Variants in ARHGEF40 observed in about 807,000 individuals in gnomAD.
ARHGEF40 encodes Rho guanine nucleotide exchange factor 40, also known as Rho guanine nucleotide exchange factor (GEF) 40.
In ARHGEF40, 98 loss-of-function variants were observed where a neutral mutation model predicts 165.9. The observed-to-expected ratio is 0.59, with a 90% CI of 0.50 to 0.70. The LOEUF (loss-of-function observed/expected upper bound fraction) is 0.70. Among genes scored for constraint, ARHGEF40 ranks in the 30% least tolerant of loss-of-function variants. ARHGEF40 has a pLI of 0.00. For missense variants in ARHGEF40, 1,815 were observed against 1,968.0 expected, an observed-to-expected ratio of 0.92 and a Z score of 1.47; for synonymous variants, 792 against 814.3, an observed-to-expected ratio of 0.97 and a Z score of 0.47.
In ARHGEF40 at chr14:21,076,611, G is replaced by T; in HGVS notation, c.1885G>T (p.Asp629Tyr). 6.2e-7 allele frequency: 1 copy of T among 1,614,230 alleles called. No individual in the cohort carries two copies. Among genetic ancestry groups the T allele is most frequent in the East Asian group, 2.2e-5 (1 of 44,890 alleles). Residue 629 changes from aspartate to tyrosine, a missense_variant, in exon 7 of 24, where the codon GAT (aspartate) becomes TAT (tyrosine). Physicochemically the swap from Asp to Tyr is radical, Grantham distance 160. Coordinates refer to ENST00000298694, the MANE Select transcript of ARHGEF40 (RefSeq NM_018071.5). ...TCAGCGGCTGCTGATTCTCATTCATGATGACCTTCCAACTGAACTCTGTGG... is the reference window on the plus strand; with the variant it reads ...TCAGCGGCTGCTGATTCTCATTCATTATGACCTTCCAACTGAACTCTGTGG... Reference protein sequence around the residue: ...LVQRLLILIHDDLPTELCGFQ... With the variant: ...LVQRLLILIHYDLPTELCGFQ...
intron 19 of ARHGEF40, 55 bp from the exon 20 acceptor site, chr14:21,086,946 T>C: frequency 7.6e-7 from 1 of 1,320,098 alleles, no homozygotes; most frequent in Non-Finnish European, 1.1e-6. Flanking sequence ...CATGACATGC[T>C]AGGGCTAGAG....
rs1002656975 is a variant in ARHGEF40 at position 21,082,541 on chromosome 14, G to A, written c.3486+63G>A. ...TTCTCTGTTCCAGCCTCATCCATCTGTCCCTCTTTCTCAGTACCCACGGCC... is the reference window on the plus strand; with the variant it reads ...TTCTCTGTTCCAGCCTCATCCATCTATCCCTCTTTCTCAGTACCCACGGCC... On this transcript the variant is annotated intron_variant, in intron 15 of 23. Transcript: ENST00000298694. The A allele has an allele frequency of 1.8e-5, 26 of 1,478,628 alleles. No individual in the cohort carries two copies. In the African/African-American group the frequency reaches 3.0e-4, roughly 17 times the overall value. The allele number at this position is 1,478,628 out of a possible 1,614,324, so 91.6% of individuals were successfully genotyped here. A position where few individuals can be genotyped will look rare whatever the true frequency, so the allele number is the denominator to read the frequency against.
At chr14:21,086,353 G>C (rs1409620472) in intron 19 of ARHGEF40, 2 of 156,396 alleles carry the variant, frequency 1.3e-5, no homozygotes, top group African/African-American at 4.8e-5. Flanking sequence ...TTGAGCCTGA[G>C]TGACAGAGCA....
chr14:21,088,132 A>C, intron 22 of ARHGEF40, 34 bp downstream of exon 22: 1 of 1,580,268 alleles, frequency 6.3e-7, no homozygotes, highest in Non-Finnish European at 8.6e-7. Flanking sequence ...GAACAATGTG[A>C]TCTCTTTGGC....
upstream of ARHGEF40, among the ~76,000 whole-genome samples, chr14:21,065,749 G>A (rs1023138417): frequency 6.6e-6 from 1 of 152,116 alleles, no homozygotes; most frequent in Non-Finnish European, 1.5e-5. Flanking sequence ...AAGGAAAGAA[G>A]AGCAAAAAGG....
At chr14:21,068,702 C>T (rs980807396), upstream of ARHGEF40, among the ~76,000 whole-genome samples, 1 of 152,170 alleles carries the variant, frequency 6.6e-6, no homozygotes, top group South Asian at 2.1e-4. Flanking sequence ...GGTCCCCTAG[C>T]CGGGTGTTAG....
Position 21,073,284 on chromosome 14 carries a change from A to G in ARHGEF40, c.201+42A>G. On this transcript the variant is annotated intron_variant, in intron 2 of 23. Transcript: ENST00000298694. This position sits in a 1 kb window ranked among gnomAD's most constrained non-coding sequence, Gnocchi z 4.6. ...CACTATTCTGCCTTCCCCAAGATCC[A>G]CTGCCACACTCTACAGACTAGCCAG... 1 of 1,552,486 alleles carries G rather than the reference A, an allele frequency of 6.4e-7. No individual in the cohort carries two copies. The highest frequency in any genetic ancestry group is 1.2e-5 in the South Asian group (1 of 84,784).
chr14:21,084,975 G>C (rs1221480611), intron 18 of ARHGEF40, 52 bp downstream of exon 18: 1 of 1,584,276 alleles, frequency 6.3e-7, no homozygotes, highest in Non-Finnish European at 8.6e-7. Flanking sequence ...TTCTCTTCTT[G>C]AGAACTCAGG....
At chr14:21,078,851 G>T (rs762513430) in intron 10 of ARHGEF40, 33 bp from the exon 11 acceptor site, 42 of 1,601,226 alleles carry the variant, frequency 2.6e-5, no homozygotes, top group Non-Finnish European at 3.5e-5. Context: ...CTCAACAAGG[G>T]AAATGATTCA....
intron 16 of ARHGEF40, among the ~76,000 whole-genome samples, chr14:21,083,441 T>C (rs1888090397): frequency 1.3e-5 from 2 of 150,756 alleles, no homozygotes; most frequent in Admixed American, 6.6e-5. Context: ...TCCCAGCTAC[T>C]CGGGAGGCTG....
Position 21,081,854 on chromosome 14 carries a change from A to T in ARHGEF40, c.2986A>T (p.Ser996Cys). Reference sequence around the variant, plus strand: ...CAGCCTCAGCTCCTTGCTGCTCCCCAGCAGCCCTGGGCCACGGCCAGCCCC... The same window carrying T: ...CAGCCTCAGCTCCTTGCTGCTCCCCTGCAGCCCTGGGCCACGGCCAGCCCC... ...SPSLSSLLLPSSPGPRPAPSH... is the reference protein window; with the variant it reads ...SPSLSSLLLPCSPGPRPAPSH... Residue 996 changes from serine to cysteine, a missense_variant, in exon 14 of 24, where the codon AGC becomes TGC. Transcript: ENST00000298694. The T allele has an allele frequency of 6.2e-7, 1 of 1,612,166 alleles. No individual in the cohort carries two copies. The highest frequency in any genetic ancestry group is 1.3e-5 in the African/African-American group (1 of 75,024).
In ARHGEF40 at chr14:21,088,925, T is replaced by G. The variant is rs558202925; in HGVS notation, c.*5+49T>G. The G allele has an allele frequency of 2.5e-6, 4 of 1,572,554 alleles. No homozygotes were observed. The South Asian group carries it at 4.5e-5, about 18-fold the overall frequency. ...ACCACATCCAGCACTCCTACCATCT[T>G]GCATGTACCTTCCTTCCTGTCCCCG... On this transcript the variant is annotated intron_variant, in intron 23 of 23. Coordinates refer to ENST00000298694, the MANE Select transcript of ARHGEF40 (RefSeq NM_018071.5).
upstream of ARHGEF40, among the ~76,000 whole-genome samples, chr14:21,065,674 T>C (rs148946139): frequency 0.012 from 1,801 of 152,302 alleles, 28 homozygotes; most frequent in African/African-American, 0.041. Context: ...TGTAACACTT[T>C]AGTTAAGACC....
chr14:21,086,926 A>T, intron 19 of ARHGEF40, 75 bp from the exon 20 acceptor site: 1 of 1,261,414 alleles, frequency 7.9e-7, no homozygotes, highest in Non-Finnish European at 1.1e-6. Context: ...AAAAAAAGAA[A>T]AAAATCAACC....
Position 21,078,452 on chromosome 14 carries a change from C to G in ARHGEF40, c.2210C>G (p.Ala737Gly), listed in dbSNP as rs1380646648. 1 of 1,608,712 alleles carries G rather than the reference C, an allele frequency of 6.2e-7. No homozygotes were observed. Among genetic ancestry groups the G allele is most frequent in the African/African-American group, 1.3e-5 (1 of 74,800 alleles). Reference sequence around the variant, plus strand: ...ACGGCACTGCAGAGGGATGGGGGGGCCATCCTGATGAGGCTGCGCTCCACT... The same window carrying G: ...ACGGCACTGCAGAGGGATGGGGGGGGCATCCTGATGAGGCTGCGCTCCACT... ...RLTALQRDGGAILMRLRSTPS... is the reference protein window; with the variant it reads ...RLTALQRDGGGILMRLRSTPS... The change falls in exon 10 of 24, where the codon GCC (alanine) becomes GGC (glycine). Residue 737 changes from alanine (A) to glycine (G), a missense_variant. Ala to Gly is a moderately conservative substitution (Grantham distance 60). Transcript: ENST00000298694.
At chr14:21,079,224 T>C (rs535537136) in intron 11 of ARHGEF40, among the ~76,000 whole-genome samples, 46 of 152,326 alleles carry the variant, frequency 3.0e-4, no homozygotes, top group Non-Finnish European at 6.3e-4. Flanking sequence ...CCCTCCCCAC[T>C]GTTTACACTT....
In ARHGEF40 at chr14:21,074,842, C is replaced by T. The variant is rs1887274308; in HGVS notation, c.1112C>T (p.Thr371Ile). ...CAGGGGGCTGAAGGACCACCTGGTA[C>T]CCCTCGGAGAACAGGCAAAGGAAAC... ...GGQGAEGPPGTPRRTGKGNRR... is the reference protein window; with the variant it reads ...GGQGAEGPPGIPRRTGKGNRR... The change falls in exon 3 of 24, where the codon ACC becomes ATC. Residue 371 changes from threonine to isoleucine, a missense_variant. By Grantham distance (89) the Thr-to-Ile change is moderately conservative. Coordinates refer to ENST00000298694, the MANE Select transcript of ARHGEF40 (RefSeq NM_018071.5). The surrounding 1 kb of genome is among the most constrained non-coding windows in gnomAD (Gnocchi z 4.8). The T allele has an allele frequency of 6.2e-7, 1 of 1,608,786 alleles. No individual in the cohort carries two copies. Among genetic ancestry groups the T allele is most frequent in the African/African-American group, 1.3e-5 (1 of 74,560 alleles).
At position 21,080,570 on chromosome 14, in the gene ARHGEF40, A is replaced by G; in HGVS notation, c.2374-90A>G. 2.1e-6 allele frequency: 3 copies of G among 1,427,256 alleles called. No homozygotes were observed. The South Asian group carries it at 4.0e-5, about 19-fold the overall frequency. 88.4% of individuals were successfully genotyped at this position (1,427,256 alleles called of 1,614,324 possible). On this transcript the variant is annotated intron_variant, in intron 11 of 23. Coordinates refer to ENST00000298694, the MANE Select transcript of ARHGEF40 (RefSeq NM_018071.5). Reference sequence around the variant, plus strand: ...TGCAATAGTTCACTCAAAGTTCTATAGATTGGGGTGGTGGGGCTGATGCTG... The same window carrying G: ...TGCAATAGTTCACTCAAAGTTCTATGGATTGGGGTGGTGGGGCTGATGCTG...
rs774491140 is a variant in ARHGEF40, at chr14:21,076,901, C to G, written c.2034+11C>G. On this transcript the variant is annotated intron_variant, in intron 8 of 23. Coordinates refer to ENST00000298694, the MANE Select transcript of ARHGEF40 (RefSeq NM_018071.5). ...GTAGAGATACACCAGGTAAGCTTCC[C>G]CTCTACCACCTAGCATGCTGGGAGC... is the stretch of plus-strand genomic sequence containing the variant. 1.3e-6 allele frequency: 2 copies of G among 1,599,264 alleles called. No individual in the cohort carries two copies. The highest frequency in any genetic ancestry group is 1.7e-5 in the Admixed American group (1 of 59,992).
Sources: allele counts gnomAD v4.1 joint callset (sites outside exome capture counted in the v4.1 genomes callset), GRCh38; gene constraint gnomAD v4.1.1; non-coding constraint Gnocchi (gnomAD v3.1); transcripts MANE v1.5; gene names NCBI Gene and HGNC (gene_info 2026-07-23, HGNC 2026-07-21).